ZNF528: variants seen among roughly 807,000 people sequenced by gnomAD.
ZNF528 encodes zinc finger protein 528.
Under a neutral mutation model 13.3 loss-of-function variants are expected in ZNF528, and 9 were observed. That is an observed-to-expected ratio of 0.67 (90% CI 0.41 to 1.18). The LOEUF (loss-of-function observed/expected upper bound fraction) is 1.18, where lower values mean the gene tolerates loss of function less well. Among genes scored for constraint, ZNF528 ranks in the 50% most tolerant of loss-of-function variants. ZNF528 has a pLI of 0.01. For missense variants in ZNF528, 858 were observed against 745.4 expected (o/e 1.15, Z -1.76); for synonymous variants, 264 against 254.3 (o/e 1.04, Z -0.36).
intron 4 of ZNF528, 94 bp from the exon 5 acceptor site, chr19:52,405,813 A>G (rs2058848945): frequency 3.3e-6 from 5 of 1,528,784 alleles, no homozygotes; most frequent in African/African-American, 1.4e-5. Flanking sequence ...GTGCTCACAT[A>G]AGTGGAGTCA....
chr19:52,408,890 A>G (rs1472345564), intron 6 of ZNF528, among the ~76,000 whole-genome samples: 3 of 152,154 alleles, frequency 2.0e-5, no homozygotes, highest in African/African-American at 4.8e-5. Flanking sequence ...ATATTTTCAT[A>G]TGGATTAAAG....
At position 52,413,867 on chromosome 19, in the gene ZNF528, C is replaced by A. The variant is rs182444570; in HGVS notation, c.272-1257C>A. On this transcript the variant is annotated intron_variant, in intron 6 of 6. Coordinates refer to ENST00000360465, the MANE Select transcript of ZNF528 (RefSeq NM_032423.3). ...CAACTTTAAGACCTTTTTGATGAGC[C>A]TCTTTTAATCCTTTTCCTGCTGTGT... The A allele has an allele frequency of 8.8e-4, 200 of 226,978 alleles. 1 individual carries two copies. Among genetic ancestry groups the A allele is most frequent in the Non-Finnish European group, 1.5e-3 (167 of 112,634 alleles). 14.1% of individuals were successfully genotyped at this position (226,978 alleles called of 1,614,324 possible). A position where few individuals can be genotyped will look rare whatever the true frequency, so the allele number is the denominator to read the frequency against.
chr19:52,416,721 T>C lies in ZNF528; in HGVS notation c.1869T>C (p.His623=). 3 of 1,594,306 alleles carry C rather than the reference T, an allele frequency of 1.9e-6. No homozygotes were observed. The highest frequency in any genetic ancestry group is 2.6e-6 in the Non-Finnish European group (3 of 1,168,338). Residue 623 remains histidine (H), a synonymous_variant, in exon 7 of 7, where the codon CAT becomes CAC. Transcript: ENST00000360465. ...VFSHNSDLAQ[H]QRVHS ...GTCACAATTCTGACCTTGCACAGCA[T>C]CAGAGAGTTCATTCATGAGAGTCCC...
chr19:52,416,145 T>C lies in ZNF528; in HGVS notation c.1293T>C (p.His431=), dbSNP rs1366927867. 1 of 1,613,930 alleles carries C rather than the reference T, an allele frequency of 6.2e-7. No homozygotes were observed. Among genetic ancestry groups the C allele is most frequent in the East Asian group, 2.2e-5 (1 of 44,880 alleles). ...KSDLIRHRKT[H]TDEKPYKCNK... ...ACCTTATACGACATCGAAAAACTCA[T>C]ACTGATGAGAAGCCTTACAAATGTA... is the stretch of plus-strand genomic sequence containing the variant. The change falls in exon 7 of 7, where the codon CAT becomes CAC. Residue 431 remains histidine, a synonymous_variant. Transcript: ENST00000360465.
At position 52,416,206 on chromosome 19, in the gene ZNF528, C is replaced by T. The variant is rs1250958030; in HGVS notation, c.1354C>T (p.Leu452Phe). ...CGTAFREFSD[L>F]TAHFLIHSGE... ...CACAGCGTTTAGAGAGTTTTCAGAC[C>T]TTACTGCCCATTTTCTAATCCATAG... The change falls in exon 7 of 7, where the codon CTT becomes TTT. Residue 452 changes from leucine to phenylalanine, a missense_variant. Transcript: ENST00000360465. The T allele has an allele frequency of 1.4e-5, 23 of 1,613,312 alleles. No individual in the cohort carries two copies. The highest frequency in any genetic ancestry group is 4.5e-5 in the East Asian group (2 of 44,882).
At position 52,401,764 on chromosome 19, in the gene ZNF528, C is replaced by T; in HGVS notation, c.-68+11C>T. 1.4e-6 allele frequency: 2 copies of T among 1,465,244 alleles called. No individual in the cohort carries two copies. Among genetic ancestry groups the T allele is most frequent in the Non-Finnish European group, 1.8e-6 (2 of 1,103,670 alleles). The allele number at this position is 1,465,244 out of a possible 1,614,324, so 90.8% of individuals were successfully genotyped here. ...CACTCAACAGACGAGGTACCTTAAC[C>T]ACATAATGGTTGATTTCCAAAATTA... On this transcript the variant is annotated intron_variant, in intron 3 of 6. Transcript: ENST00000360465.
At chr19:52,398,173 A>G (rs1399451351) in intron 1 of ZNF528, among the ~76,000 whole-genome samples, 194 bp from the exon 2 acceptor site, 2 of 151,958 alleles carry the variant, frequency 1.3e-5, no homozygotes, top group African/African-American at 2.4e-5. Flanking sequence ...AGTAACCCCT[A>G]CACACGCCCC....
intron 6 of ZNF528, chr19:52,411,531 A>G (rs182336815): frequency 3.3e-5 from 5 of 152,250 alleles, no homozygotes; most frequent in Admixed American, 2.0e-4. Flanking sequence ...TCACTTCTCT[A>G]TATGTCCTGC....
At chr19:52,401,628 T>C in intron 2 of ZNF528, 57 bp from the exon 3 acceptor site, 2 of 1,218,108 alleles carry the variant, frequency 1.6e-6, no homozygotes, top group Non-Finnish European at 2.1e-6. Context: ...AGTATGATTT[T>C]AGGAATCACA....
intron 6 of ZNF528, among the ~76,000 whole-genome samples, chr19:52,409,681 A>T (rs941714615): frequency 6.8e-6 from 1 of 146,298 alleles, no homozygotes; most frequent in Non-Finnish European, 1.5e-5. Context: ...GGTTTGCTAA[A>T]ACAACTTCTC....
chr19:52,414,879 T>C (rs2058979107), intron 6 of ZNF528: 4 of 1,377,954 alleles, frequency 2.9e-6, no homozygotes, highest in Non-Finnish European at 3.9e-6. Flanking sequence ...TCAGTCTCTG[T>C]TGTATTTCTC....
chr19:52,407,723 C>G (rs1242692926), intron 6 of ZNF528, among the ~76,000 whole-genome samples: 1 of 152,012 alleles, frequency 6.6e-6, no homozygotes, highest in African/African-American at 2.4e-5. Context: ...TTGCAGTGAG[C>G]CGAGATTGCA....
chr19:52,417,090 T>C lies in ZNF528; in HGVS notation c.*351T>C, dbSNP rs933573624. ...CTCATGACCTGATGTATATCAAAGG[T>C]GCAACGGCTTGTAAATGACCAGTTT... is the stretch of plus-strand genomic sequence containing the variant. On this transcript the variant is annotated 3_prime_UTR_variant, in exon 7 of 7. Coordinates refer to ENST00000360465, the MANE Select transcript of ZNF528 (RefSeq NM_032423.3). The C allele has an allele frequency of 8.1e-6, 2 of 248,400 alleles. No individual in the cohort carries two copies. Among genetic ancestry groups the C allele is most frequent in the Admixed American group, 4.9e-5 (1 of 20,240 alleles). The allele number at this position is 248,400 out of a possible 1,614,324, so 15.4% of individuals were successfully genotyped here.
intron 6 of ZNF528, 23 bp from the exon 7 acceptor site, chr19:52,415,101 C>G (rs760931283): frequency 6.2e-7 from 1 of 1,609,668 alleles, no homozygotes; most frequent in African/African-American, 1.3e-5. Flanking sequence ...GGTTGAAGTT[C>G]CACTTTTTTC....
Position 52,416,769 on chromosome 19 carries a change from T to C in ZNF528, c.*30T>C. ...CCCTACAAACTGTATGGCAAAACCATCATCATGAGTTCTAGCATTAATCAA... is the reference window on the plus strand; with the variant it reads ...CCCTACAAACTGTATGGCAAAACCACCATCATGAGTTCTAGCATTAATCAA... On this transcript the variant is annotated 3_prime_UTR_variant, in exon 7 of 7. Transcript: ENST00000360465. 1 of 1,553,974 alleles carries C rather than the reference T, an allele frequency of 6.4e-7. No individual in the cohort carries two copies. Among genetic ancestry groups the C allele is most frequent in the Non-Finnish European group, 8.7e-7 (1 of 1,146,066 alleles).
Position 52,415,778 on chromosome 19 carries a change from T to C in ZNF528, c.926T>C (p.Ile309Thr), listed in dbSNP as rs1448785769. 1 of 1,613,522 alleles carries C rather than the reference T, an allele frequency of 6.2e-7. No individual in the cohort carries two copies. Among genetic ancestry groups the C allele is most frequent in the Non-Finnish European group, 8.5e-7 (1 of 1,179,890 alleles). The change falls in exon 7 of 7, where the codon ATT becomes ACT. Residue 309 changes from isoleucine to threonine, a missense_variant. Coordinates refer to ENST00000360465, the MANE Select transcript of ZNF528 (RefSeq NM_032423.3). ...CHECDKVFNQIAHLVRHQKIH... is the reference protein window; with the variant it reads ...CHECDKVFNQTAHLVRHQKIH... ...GAATGTGACAAGGTCTTCAATCAAA[T>C]TGCACACCTTGTACGACATCAAAAA...
At chr19:52,414,898 G>A (rs2122594530) in intron 6 of ZNF528, 1 of 1,452,620 alleles carries the variant, frequency 6.9e-7, no homozygotes, top group Non-Finnish European at 9.2e-7. Flanking sequence ...TCTGCTCATA[G>A]TCTGTTTCAG....
chr19:52,414,215 C>T (rs1226134983), intron 6 of ZNF528: 1 of 702,438 alleles, frequency 1.4e-6, no homozygotes, highest in South Asian at 1.5e-5. Flanking sequence ...TCCTCTACTC[C>T]AGCAGAACCT....
chr19:52,414,121 C>G lies in ZNF528; in HGVS notation c.272-1003C>G, dbSNP rs1480210112. On this transcript the variant is annotated intron_variant, in intron 6 of 6. Transcript: ENST00000360465. Reference sequence around the variant, plus strand: ...TTTAGAGCACCGACCTCATATCGCTCCCAGTACCTCTTCAGGGCACTGACC... The same window carrying G: ...TTTAGAGCACCGACCTCATATCGCTGCCAGTACCTCTTCAGGGCACTGACC... 7 of 686,256 alleles carry G rather than the reference C, an allele frequency of 1.0e-5. 1 individual carries two copies. Among genetic ancestry groups the G allele is most frequent in the Non-Finnish European group, 1.9e-5 (7 of 375,878 alleles). The allele number at this position is 686,256 out of a possible 1,614,324, so 42.5% of individuals were successfully genotyped here.
Sources: gnomAD v4.1 joint callset for allele counts (sites outside exome capture counted in the v4.1 genomes callset) on GRCh38, gnomAD v4.1.1 for gene constraint, MANE v1.5 for transcripts, NCBI Gene and HGNC (gene_info 2026-07-23, HGNC 2026-07-21) for gene names.